Variants in TMEM168 observed in about 807,000 individuals in gnomAD.
TMEM168 encodes transmembrane protein 168.
A neutral mutation model predicts 53.2 loss-of-function variants in TMEM168; 40 were observed. That is an observed-to-expected ratio of 0.75 (90% CI 0.58 to 0.98). TMEM168 has a LOEUF of 0.98. Ranked by LOEUF, TMEM168 falls within the 50% of genes least tolerant of loss-of-function variation. The pLI is 0.00. For synonymous variants in TMEM168, 282 were observed against 293.0 expected, an observed-to-expected ratio of 0.96 and a Z score of 0.38; for missense variants, 771 against 828.8, an observed-to-expected ratio of 0.93 and a Z score of 0.86.
chr7:112,787,183 T>C (rs1334722813), intron 1 of TMEM168, among the ~76,000 whole-genome samples: 2 of 152,208 alleles, frequency 1.3e-5, no homozygotes, highest in Non-Finnish European at 2.9e-5. Context: ...TCCTTGCTCA[T>C]CCCCATATCC....
At chr7:112,767,866 C>CTT in intron 4 of TMEM168, 122 bp from the exon 5 acceptor site, 1 of 817,572 alleles carries the variant, frequency 1.2e-6, no homozygotes, top group Non-Finnish European at 1.8e-6. Context: ...TCCTTAAGTT[C>CTT]TTAGAATTAA....
intron 1 of TMEM168, among the ~76,000 whole-genome samples, chr7:112,786,577 AC>A (rs1189119423): frequency 2.6e-5 from 4 of 151,854 alleles, no homozygotes; most frequent in Non-Finnish European, 5.9e-5. Flanking sequence ...TGAGAAACTG[AC>A]AAAATCTGGA....
rs1792908864 is a variant in TMEM168 at position 112,770,680 on chromosome 7, A to G, written c.1546+2101T>C. 2.6e-5 allele frequency among the ~76,000 whole-genome samples: 4 copies of G among 152,184 alleles called. No homozygotes were observed. In the South Asian group the frequency reaches 8.3e-4, roughly 32 times the overall value. ...AAAAAGCTGATATAAGTATTAGTAA[A>G]TGAACATCTAGAATTGATTTCCATA... On this transcript the variant is annotated intron_variant, in intron 4 of 4. Coordinates refer to ENST00000312814, the MANE Select transcript of TMEM168 (RefSeq NM_022484.6).
chr7:112,775,150 T>C, intron 3 of TMEM168, 26 bp downstream of exon 3: 3 of 1,545,290 alleles, frequency 1.9e-6, no homozygotes, highest in African/African-American at 1.4e-5. Flanking sequence ...TGAATAGTTA[T>C]CACTAACTAT....
At chr7:112,789,165 G>A (rs1793474423) in intron 1 of TMEM168, among the ~76,000 whole-genome samples, 1 of 152,000 alleles carries the variant, frequency 6.6e-6, no homozygotes, top group Admixed American at 6.6e-5. Context: ...CCCCACCCCA[G>A]TGCTCACACC....
At position 112,772,392 on chromosome 7, in the gene TMEM168, T is replaced by C. The variant is rs1019371954; in HGVS notation, c.1546+389A>G. 2.0e-5 allele frequency among the ~76,000 whole-genome samples: 3 copies of C among 152,320 alleles called. No individual in the cohort carries two copies. In the South Asian group the frequency reaches 6.2e-4, roughly 32 times the overall value. On this transcript the variant is annotated intron_variant, in intron 4 of 4. Coordinates refer to ENST00000312814, the MANE Select transcript of TMEM168 (RefSeq NM_022484.6). The stretch of plus-strand genomic sequence containing the variant: ...CTACATGATCTGCTGTTTAAAATTT[T>C]GGTGAGCTTTATAACATAAATAAAA...
At chr7:112,785,821 A>G (rs1793364014) in intron 1 of TMEM168, among the ~76,000 whole-genome samples, 1 of 152,212 alleles carries the variant, frequency 6.6e-6, no homozygotes, top group African/African-American at 2.4e-5. Flanking sequence ...ACCATCTATA[A>G]TAATTCTTCA....
intron 1 of TMEM168, among the ~76,000 whole-genome samples, chr7:112,787,713 A>ATTTTTTTTTTTTTTTTTTTTTTTTT (rs71155069): frequency 5.2e-5 from 2 of 38,788 alleles, no homozygotes; most frequent in African/African-American, 1.1e-4. Context: ...TGCGACTGGC[A>ATTTTTTTTTTTTTTTTTTTTTTTTT]TTTTTTTTTT....
chr7:112,777,945 C>G (rs920832968), intron 2 of TMEM168, among the ~76,000 whole-genome samples: 2 of 108,492 alleles, frequency 1.8e-5, no homozygotes, highest in Admixed American at 1.1e-4. Context: ...TGTGTGTGTA[C>G]CTGGTTAAAT....
In TMEM168 at chr7:112,767,251, C is replaced by T; in HGVS notation, c.2040G>A (p.Trp680Ter). 1 of 1,614,078 alleles carries T rather than the reference C, an allele frequency of 6.2e-7. No individual in the cohort carries two copies. Among genetic ancestry groups the T allele is most frequent in the Non-Finnish European group, 8.5e-7 (1 of 1,179,988 alleles). ...FRCLKRLKMS[W>*]FLPTVLDTGQ... The stretch of plus-strand genomic sequence containing the variant: ...CTGTGTCCAGCACAGTAGGAAGAAA[C>T]CAACTCATTTTTAATCTTTTCAAGC... The change falls in exon 5 of 5, where the codon TGG (tryptophan) becomes TGA (stop). Residue 680 changes from tryptophan to a stop codon, truncating the protein, a stop_gained. Transcript: ENST00000312814. LOFTEE classifies it high-confidence loss of function.
intron 1 of TMEM168, among the ~76,000 whole-genome samples, chr7:112,787,610 T>C (rs1192567702): frequency 6.6e-6 from 1 of 151,828 alleles, no homozygotes; most frequent in African/African-American, 2.4e-5. Flanking sequence ...AGACGGGGTT[T>C]CACCATATTG....
chr7:112,768,042 G>A (rs1291240320), intron 4 of TMEM168, among the ~76,000 whole-genome samples: 1 of 152,100 alleles, frequency 6.6e-6, no homozygotes, highest in African/African-American at 2.4e-5. Context: ...GTTGTATTTA[G>A]TGAAAACAAC....
chr7:112,772,672 A>T, intron 4 of TMEM168, 109 bp downstream of exon 4: 2 of 1,285,764 alleles, frequency 1.6e-6, no homozygotes, highest in Non-Finnish European at 2.2e-6. Flanking sequence ...TCATATGCAT[A>T]GTTCAGTAAA....
intron 1 of TMEM168, among the ~76,000 whole-genome samples, chr7:112,786,415 A>AT (rs997930479): frequency 4.6e-5 from 7 of 151,330 alleles, no homozygotes; most frequent in Admixed American, 6.6e-5. Flanking sequence ...CAACAAGCAC[A>AT]TTTTTTTTTA....
At chr7:112,771,730 G>C (rs1792935012) in intron 4 of TMEM168, among the ~76,000 whole-genome samples, 1 of 151,610 alleles carries the variant, frequency 6.6e-6, no homozygotes, top group Non-Finnish European at 1.5e-5. Context: ...TCTTATATTG[G>C]CAACTCTGCC....
In TMEM168 at chr7:112,767,315, C is replaced by A. The variant is rs764160339; in HGVS notation, c.1976G>T (p.Gly659Val). 4 of 1,614,024 alleles carry A rather than the reference C, an allele frequency of 2.5e-6. No individual in the cohort carries two copies. The highest frequency in any genetic ancestry group is 3.4e-6 in the Non-Finnish European group (4 of 1,180,014). ...PLVHLANWLC[G>V]LNLFWICKTC... ...TTTGCAGATCCAAAAAAGGTTCAGACCGCATAACCAATTTGCCAAATGCAC... is the reference window on the plus strand; with the variant it reads ...TTTGCAGATCCAAAAAAGGTTCAGAACGCATAACCAATTTGCCAAATGCAC... The change falls in exon 5 of 5, where the codon GGT becomes GTT. Residue 659 changes from glycine (G) to valine (V), a missense_variant. By Grantham distance (109) the Gly-to-Val change is moderately radical (BLOSUM62 -3). Coordinates refer to ENST00000312814, the MANE Select transcript of TMEM168 (RefSeq NM_022484.6).
chr7:112,788,960 C>T (rs1469569824), intron 1 of TMEM168, among the ~76,000 whole-genome samples: 2 of 152,174 alleles, frequency 1.3e-5, no homozygotes, highest in East Asian at 3.8e-4. Flanking sequence ...AATGGCGTCC[C>T]ATCACCCTTA....
intron 2 of TMEM168, among the ~76,000 whole-genome samples, chr7:112,780,965 A>C (rs1313785151): frequency 1.4e-5 from 2 of 147,918 alleles, no homozygotes; most frequent in African/African-American, 2.6e-5. Flanking sequence ...AAAAAAAAAA[A>C]CGGGGGCACA....
At chr7:112,767,803 C>T in intron 4 of TMEM168, 59 bp from the exon 5 acceptor site, 6 of 1,431,804 alleles carry the variant, frequency 4.2e-6, no homozygotes, top group Admixed American at 2.2e-5. Flanking sequence ...ATTAAGAAAA[C>T]CCTCTTAATC....
Sources: allele counts gnomAD v4.1 joint callset (sites outside exome capture counted in the v4.1 genomes callset), GRCh38; gene constraint gnomAD v4.1.1; transcripts MANE v1.5; gene names NCBI Gene and HGNC (gene_info 2026-07-23, HGNC 2026-07-21).